ZNF676: variants seen among roughly 807,000 people sequenced by gnomAD.
ZNF676 encodes zinc finger protein 676.
A neutral mutation model predicts 6.0 loss-of-function variants in ZNF676; 4 were observed. The ratio of observed to expected loss-of-function variants is 0.67; its 90% CI spans 0.33 to 1.53. The LOEUF (loss-of-function observed/expected upper bound fraction) is 1.53, where lower values mean the gene tolerates loss of function less well. ZNF676 is among the 40% of genes most tolerant of loss of function. ZNF676 has a pLI of 0.06. For missense variants in ZNF676, 644 were observed against 679.7 expected, an observed-to-expected ratio of 0.95 and a Z score of 0.58; for synonymous variants, 198 against 223.1, an observed-to-expected ratio of 0.89 and a Z score of 1.00.
chr19:22,212,199 CAAA>C (rs34421901), intron 1 of ZNF676, among the ~76,000 whole-genome samples: 7 of 119,136 alleles, frequency 5.9e-5, no homozygotes, highest in Admixed American at 9.0e-5. Context: ...GATTCTGTCT[CAAA>C]AAAAAAAAAA....
the ZNF676 span, among the ~76,000 whole-genome samples, chr19:22,225,963 C>A: frequency 1.3e-5 from 2 of 151,730 alleles, no homozygotes; most frequent in East Asian, 1.9e-4. Context: ...TTTTTCTGTT[C>A]TTTTCATTGT....
Position 22,193,081 on chromosome 19 carries a change from A to C in ZNF676, c.65T>G (p.Ile22Ser). ...GGGCTCTTTTCCTTGCTCCAGAAAA[A>C]TGATCAGGTCTGGCTTAAAGGCAGC... ...GIAAFKPDLI[I>S]FLEQGKEPWN... The change falls in exon 2 of 3, where the codon ATT becomes AGT. Residue 22 changes from isoleucine to serine, a missense_variant. Ile to Ser is a moderately radical substitution (Grantham distance 142). Coordinates refer to ENST00000397121, the MANE Select transcript of ZNF676 (RefSeq NM_001001411.3). 1 of 1,609,406 alleles carries C rather than the reference A, an allele frequency of 6.2e-7. No homozygotes were observed. Among genetic ancestry groups the C allele is most frequent in the Non-Finnish European group, 8.5e-7 (1 of 1,178,390 alleles).
At position 22,179,536 on chromosome 19, in the gene ZNF676, GT is replaced by G; in HGVS notation, c.*413del. 1 of 439,970 alleles carries G rather than the reference GT, an allele frequency of 2.3e-6. No individual in the cohort carries two copies. 27.3% of individuals were successfully genotyped at this position (439,970 alleles called of 1,614,324 possible). A position where few individuals can be genotyped will look rare whatever the true frequency, so the allele number is the denominator to read the frequency against. ...TTGCCACATTCTTCACATTTGTAGGGTTTCCCTCCTGTATAAATTCCCTTAT... is the reference window on the plus strand; with the variant it reads ...TTGCCACATTCTTCACATTTGTAGGGTTCCCTCCTGTATAAATTCCCTTAT... On this transcript the variant is annotated 3_prime_UTR_variant, in exon 3 of 3. Transcript: ENST00000397121.
chr19:22,239,054 C>T, the ZNF676 span, among the ~76,000 whole-genome samples: 1 of 152,122 alleles, frequency 6.6e-6, no homozygotes, highest in Non-Finnish European at 1.5e-5. Flanking sequence ...AACCACCACA[C>T]CTAGTTAAGA....
the ZNF676 span, among the ~76,000 whole-genome samples, chr19:22,235,648 C>G: frequency 6.6e-6 from 1 of 152,148 alleles, no homozygotes; most frequent in Non-Finnish European, 1.5e-5. Context: ...GGTGTGTTTG[C>G]TATTTCTTGC....
rs2023696973 is a variant in ZNF676, at chr19:22,179,571, A to C, written c.*379T>G. On this transcript the variant is annotated 3_prime_UTR_variant, in exon 3 of 3. Transcript: ENST00000397121. ...TGTATAAATTCCCTTATGTTCAGTA[A>C]GGGTTGAGAACTAATGAAAAGCTTT... 2.3e-6 allele frequency: 1 copy of C among 443,158 alleles called. No individual in the cohort carries two copies. Among genetic ancestry groups the C allele is most frequent in the Non-Finnish European group, 4.3e-6 (1 of 231,016 alleles). 27.5% of individuals were successfully genotyped at this position (443,158 alleles called of 1,614,324 possible).
At chr19:22,209,847 T>C (rs1414664038) in intron 1 of ZNF676, among the ~76,000 whole-genome samples, 4 of 152,092 alleles carry the variant, frequency 2.6e-5, no homozygotes, top group Non-Finnish European at 5.9e-5. Context: ...AAAATAGGGA[T>C]ATGCCAGGAG....
the ZNF676 span, among the ~76,000 whole-genome samples, chr19:22,252,320 A>G: frequency 2.0e-5 from 3 of 150,620 alleles, no homozygotes; most frequent in Non-Finnish European, 4.4e-5. Flanking sequence ...GCTTGAACCC[A>G]GGAGGCGGAA....
the ZNF676 span, among the ~76,000 whole-genome samples, chr19:22,260,199 C>T: frequency 6.6e-6 from 1 of 152,146 alleles, no homozygotes; most frequent in East Asian, 1.9e-4. Context: ...CCAACCCCTG[C>T]CCAGCGGTGG....
chr19:22,179,793 C>A lies in ZNF676; in HGVS notation c.*157G>T. The A allele has an allele frequency of 1.1e-6, 1 of 911,942 alleles. No individual in the cohort carries two copies. The highest frequency in any genetic ancestry group is 1.4e-5 in the South Asian group (1 of 69,692). The allele number at this position is 911,942 out of a possible 1,614,324, so 56.5% of individuals were successfully genotyped here. A position where few individuals can be genotyped will look rare whatever the true frequency, so the allele number is the denominator to read the frequency against. On this transcript the variant is annotated 3_prime_UTR_variant, in exon 3 of 3. Coordinates refer to ENST00000397121, the MANE Select transcript of ZNF676 (RefSeq NM_001001411.3). ...CACATTCTTCACGTTTGTAGTGTTT[C>A]TCTCCAGCATGAATTTTCTTATGTG...
At chr19:22,226,817 T>A in the ZNF676 span, among the ~76,000 whole-genome samples, 1 of 152,272 alleles carries the variant, frequency 6.6e-6, no homozygotes, top group South Asian at 2.1e-4. Context: ...CTGGCTGGTC[T>A]CAAACTCTTG....
At chr19:22,253,504 GTA>G in the ZNF676 span, among the ~76,000 whole-genome samples, 1 of 142,826 alleles carries the variant, frequency 7.0e-6, no homozygotes, top group Admixed American at 7.4e-5. Flanking sequence ...ATGATAATGT[GTA>G]TATATATGTA....
chr19:22,217,663 A>T (rs2024207141), upstream of ZNF676, among the ~76,000 whole-genome samples: 1 of 147,188 alleles, frequency 6.8e-6, no homozygotes. Context: ...TGCCTGGCCT[A>T]TTTTTTGATG....
At chr19:22,225,572 C>T in the ZNF676 span, among the ~76,000 whole-genome samples, 6 of 149,154 alleles carry the variant, frequency 4.0e-5, no homozygotes, top group Admixed American at 4.1e-4. Flanking sequence ...CACCAACAAT[C>T]AGCATAGGTT....
At chr19:22,249,474 G>A in the ZNF676 span, among the ~76,000 whole-genome samples, 6 of 152,050 alleles carry the variant, frequency 3.9e-5, no homozygotes, top group Non-Finnish European at 5.9e-5. Flanking sequence ...GTGCAGTGGC[G>A]CAATCTCAGC....
intron 1 of ZNF676, among the ~76,000 whole-genome samples, chr19:22,193,554 A>G (rs1870489725): frequency 6.6e-6 from 1 of 152,084 alleles, no homozygotes; most frequent in Non-Finnish European, 1.5e-5. Context: ...TCAAGAATTA[A>G]AAAGATAATT....
At chr19:22,225,545 G>A in the ZNF676 span, among the ~76,000 whole-genome samples, 2 of 151,942 alleles carry the variant, frequency 1.3e-5, 1 homozygote, top group South Asian at 4.2e-4. Flanking sequence ...TAAAATAATG[G>A]CTGCATCTTT....
chr19:22,247,862 CT>C, the ZNF676 span, among the ~76,000 whole-genome samples: 3 of 152,122 alleles, frequency 2.0e-5, no homozygotes, highest in African/African-American at 7.2e-5. Flanking sequence ...AAAGGGGAAA[CT>C]TTAGGTATAT....
chr19:22,198,183 C>T (rs1209351078), upstream of ZNF676, among the ~76,000 whole-genome samples: 2 of 152,116 alleles, frequency 1.3e-5, no homozygotes, highest in African/African-American at 4.8e-5. Context: ...CTAAAAACCC[C>T]AGGTTTTCCC....
Sources: allele counts gnomAD v4.1 joint callset (sites outside exome capture counted in the v4.1 genomes callset), GRCh38; gene constraint gnomAD v4.1.1; transcripts MANE v1.5; gene names NCBI Gene and HGNC (gene_info 2026-07-23, HGNC 2026-07-21).